TBC1D12: variants seen among roughly 807,000 people sequenced by gnomAD.
TBC1D12 encodes TBC1 domain family, member 12.
Under a neutral mutation model 86.7 loss-of-function variants are expected in TBC1D12, and 56 were observed. The ratio of observed to expected loss-of-function variants is 0.65; its 90% CI spans 0.52 to 0.81. The LOEUF is 0.81. Among genes scored for constraint, TBC1D12 ranks in the 30% least tolerant of loss-of-function variants. The pLI, the probability that TBC1D12 is intolerant of heterozygous loss-of-function variation, is 0.00. For missense variants in TBC1D12, 1,023 were observed against 1,038.8 expected, an observed-to-expected ratio of 0.98 and a Z score of 0.21; for synonymous variants, 421 against 411.7, an observed-to-expected ratio of 1.02 and a Z score of -0.27.
At position 94,403,027 on chromosome 10, in the gene TBC1D12, G is replaced by A. The variant is rs1206430467; in HGVS notation, c.414G>A (p.Ser138=). The A allele has an allele frequency of 6.4e-6, 10 of 1,571,478 alleles. No homozygotes were observed. The highest frequency in any genetic ancestry group is 1.2e-5 in the South Asian group (1 of 86,552). ...PRHEGMTNGD[S]GFLPGRDCRD... ...ACGAAGGCATGACCAACGGCGACTC[G>A]GGTTTTCTGCCGGGCCGGGACTGTC... Residue 138 remains serine, a synonymous_variant, in exon 1 of 13, where the codon TCG becomes TCA. Coordinates refer to ENST00000225235, the MANE Select transcript of TBC1D12 (RefSeq NM_015188.2).
intron 6 of TBC1D12, among the ~76,000 whole-genome samples, chr10:94,501,703 C>T (rs1589662146): frequency 1.3e-5 from 2 of 151,296 alleles, no homozygotes; most frequent in Non-Finnish European, 1.5e-5. Flanking sequence ...TGTACCACCA[C>T]GCCTGGCTAA....
At chr10:94,514,907 C>CTTTTTTT (rs1168629833) in intron 9 of TBC1D12, among the ~76,000 whole-genome samples, 4 of 127,338 alleles carry the variant, frequency 3.1e-5, no homozygotes, top group African/African-American at 9.1e-5. Context: ...TTTTTTTTTT[C>CTTTTTTT]TTTTTTTTTT....
Position 94,493,452 on chromosome 10 carries a change from A to G in TBC1D12, c.1294+5A>G, listed in dbSNP as rs765917383. On this transcript the variant is annotated splice_donor_5th_base_variant and intron_variant, in intron 4 of 12. Coordinates refer to ENST00000225235, the MANE Select transcript of TBC1D12 (RefSeq NM_015188.2). ...TGGCTGAGGCTAAAAAACGAGGTATAAAATTTAACTCCAAATGGTATAATT... is the reference window on the plus strand; with the variant it reads ...TGGCTGAGGCTAAAAAACGAGGTATGAAATTTAACTCCAAATGGTATAATT... 6.3e-7 allele frequency: 1 copy of G among 1,598,958 alleles called. No individual in the cohort carries two copies. Among genetic ancestry groups the G allele is most frequent in the Non-Finnish European group, 8.6e-7 (1 of 1,169,366 alleles).
At chr10:94,410,441 A>G (rs999802894) in intron 1 of TBC1D12, among the ~76,000 whole-genome samples, 12 of 151,984 alleles carry the variant, frequency 7.9e-5, no homozygotes, top group Admixed American at 6.6e-5. Context: ...AGGTCTCACC[A>G]TGTTGCCCAG....
intron 3 of TBC1D12, among the ~76,000 whole-genome samples, chr10:94,480,288 C>T: frequency 6.6e-6 from 1 of 152,214 alleles, no homozygotes; most frequent in East Asian, 1.9e-4. Flanking sequence ...CCATCATCTT[C>T]CTCATTCAAA....
chr10:94,535,950 AT>A lies in TBC1D12; in HGVS notation c.*2856del, dbSNP rs955623032. 1.3e-5 allele frequency: 2 copies of A among 152,178 alleles called. No homozygotes were observed. Among genetic ancestry groups the A allele is most frequent in the Non-Finnish European group, 2.9e-5 (2 of 68,008 alleles). The allele number at this position is 152,178 out of a possible 1,614,324, so 9.4% of individuals were successfully genotyped here. On this transcript the variant is annotated 3_prime_UTR_variant, in exon 13 of 13. Coordinates refer to ENST00000225235, the MANE Select transcript of TBC1D12 (RefSeq NM_015188.2). ...GAGTAATTACTTGAAATGAGTCTTCATTACTTTGGGGATATCTGTTTTATTT... is the reference window on the plus strand; with the variant it reads ...GAGTAATTACTTGAAATGAGTCTTCATACTTTGGGGATATCTGTTTTATTT...
At chr10:94,486,823 CTGTT>C (rs1164057367) in intron 3 of TBC1D12, among the ~76,000 whole-genome samples, 1 of 152,140 alleles carries the variant, frequency 6.6e-6, no homozygotes, top group Non-Finnish European at 1.5e-5. Flanking sequence ...TCTATTAGGT[CTGTT>C]TGTTCTATAG....
intron 2 of TBC1D12, among the ~76,000 whole-genome samples, chr10:94,448,381 A>G (rs2055501557): frequency 6.6e-6 from 1 of 152,212 alleles, no homozygotes; most frequent in Non-Finnish European, 1.5e-5. Flanking sequence ...TTAAATATAG[A>G]TATTCTTGCT....
intron 6 of TBC1D12, among the ~76,000 whole-genome samples, chr10:94,501,156 GA>G (rs2056391090): frequency 6.7e-6 from 1 of 149,618 alleles, no homozygotes; most frequent in African/African-American, 2.5e-5. Context: ...GCTGCATAAA[GA>G]AAAAACTTTA....
intron 4 of TBC1D12, 99 bp from the exon 5 acceptor site, chr10:94,496,956 C>A: frequency 3.5e-6 from 2 of 569,622 alleles, no homozygotes; most frequent in Non-Finnish European, 5.6e-6. Flanking sequence ...TGATAATATT[C>A]TTTTTGAGAA....
chr10:94,504,214 A>G (rs989155873), intron 6 of TBC1D12, among the ~76,000 whole-genome samples: 1 of 152,216 alleles, frequency 6.6e-6, no homozygotes, highest in East Asian at 1.9e-4. Flanking sequence ...TGATGGTTAT[A>G]TGAAGTTATG....
At chr10:94,507,039 C>T (rs1361722844) in intron 6 of TBC1D12, among the ~76,000 whole-genome samples, 1 of 152,108 alleles carries the variant, frequency 6.6e-6, no homozygotes, top group Non-Finnish European at 1.5e-5. Flanking sequence ...CTTTCTGCCT[C>T]ATATGTACAT....
At chr10:94,447,773 G>C in intron 2 of TBC1D12, 10 of 696,516 alleles carry the variant, frequency 1.4e-5, no homozygotes, top group Non-Finnish European at 1.8e-5. Context: ...AAATTAGTAG[G>C]TAAAGTTGGA....
At chr10:94,490,313 CAA>C (rs1395368181) in intron 3 of TBC1D12, among the ~76,000 whole-genome samples, 1 of 151,946 alleles carries the variant, frequency 6.6e-6, no homozygotes, top group Non-Finnish European at 1.5e-5. Context: ...CAGAGACACA[CAA>C]TGAGCACATT....
At chr10:94,522,274 G>A in intron 10 of TBC1D12, 70 bp from the exon 11 acceptor site, 2 of 1,071,144 alleles carry the variant, frequency 1.9e-6, no homozygotes, top group Non-Finnish European at 2.6e-6. Context: ...TCCTGTTAGT[G>A]TTTAAGCGTT....
At chr10:94,448,252 G>A (rs557836583) in intron 2 of TBC1D12, among the ~76,000 whole-genome samples, 1 of 152,284 alleles carries the variant, frequency 6.6e-6, no homozygotes, top group South Asian at 2.1e-4. Flanking sequence ...TGTTTTGTGA[G>A]CAGTAGTTAA....
rs558422408 is a variant in TBC1D12 at position 94,403,633 on chromosome 10, G to T, written c.971+49G>T. ...TCGGGGCGGGTCCGGGGCCGGGGCC[G>T]GAGCCGGGGTCTTGGTGGGAGTCGG... On this transcript the variant is annotated intron_variant, in intron 1 of 12. Coordinates refer to ENST00000225235, the MANE Select transcript of TBC1D12 (RefSeq NM_015188.2). 1.5e-5 allele frequency: 21 copies of T among 1,408,042 alleles called. No homozygotes were observed. In the East Asian group the frequency reaches 5.9e-4, roughly 39 times the overall value. The allele number at this position is 1,408,042 out of a possible 1,614,324, so 87.2% of individuals were successfully genotyped here. A position where few individuals can be genotyped will look rare whatever the true frequency, so the allele number is the denominator to read the frequency against.
chr10:94,436,279 G>T (rs888811947), intron 1 of TBC1D12, among the ~76,000 whole-genome samples: 5 of 151,886 alleles, frequency 3.3e-5, no homozygotes, highest in African/African-American at 1.2e-4. Flanking sequence ...GTGACTACAG[G>T]CGCGCGCCAC....
chr10:94,480,137 A>G (rs7087812), intron 3 of TBC1D12, among the ~76,000 whole-genome samples: 137 of 152,324 alleles, frequency 9.0e-4, no homozygotes, highest in African/African-American at 3.2e-3. Context: ...GATATCCAGT[A>G]GTCCCTGAAC....
Sources: allele counts gnomAD v4.1 joint callset (sites outside exome capture counted in the v4.1 genomes callset), GRCh38; gene constraint gnomAD v4.1.1; transcripts MANE v1.5; gene names NCBI Gene and HGNC (gene_info 2026-07-23, HGNC 2026-07-21).